The following RUNX1 variants were observed in gnomAD, a reference collection of about 807,000 sequenced individuals.
RUNX1 encodes runt-related transcription factor 1.
Under a neutral mutation model 42.8 loss-of-function variants are expected in RUNX1, and 19 were observed. The ratio of observed to expected loss-of-function variants is 0.44; its 90% CI spans 0.31 to 0.65. The LOEUF (loss-of-function observed/expected upper bound fraction) is 0.65, where lower values mean the gene tolerates loss of function less well. Ranked by LOEUF, RUNX1 falls within the 30% of genes least tolerant of loss-of-function variation. RUNX1 has a pLI of 0.07. For synonymous variants in RUNX1, 271 were observed against 289.4 expected (o/e 0.94, Z 0.64); for missense variants, 528 against 672.0 (o/e 0.79, Z 2.37).
At chr21:34,857,470 C>G (rs150259765) in intron 6 of RUNX1, among the ~76,000 whole-genome samples, 206 of 152,264 alleles carry the variant, frequency 1.4e-3, no homozygotes, top group African/African-American at 4.8e-3. Flanking sequence ...GAGGCAAAAC[C>G]CAGCCTTCTT....
intron 2 of RUNX1, among the ~76,000 whole-genome samples, chr21:35,045,073 G>A (rs183991555): frequency 5.3e-5 from 8 of 152,216 alleles, no homozygotes; most frequent in South Asian, 2.1e-4. Context: ...TCTTTGGGGC[G>A]GCTGCCATTT....
At chr21:34,897,901 T>C (rs192489189) in intron 2 of RUNX1, among the ~76,000 whole-genome samples, 64 of 152,226 alleles carry the variant, frequency 4.2e-4, no homozygotes, top group Non-Finnish European at 7.2e-4. Flanking sequence ...GTAATTAAGG[T>C]TACTAATCAG....
chr21:34,834,274 T>C (rs1435519259), intron 7 of RUNX1, 136 bp downstream of exon 7: 17 of 879,718 alleles, frequency 1.9e-5, no homozygotes, highest in Non-Finnish European at 2.6e-5. Flanking sequence ...CAGGTGGTGC[T>C]GTTGGTTCGA....
chr21:34,809,393 G>T (rs553957088), intron 7 of RUNX1, among the ~76,000 whole-genome samples: 74 of 152,148 alleles, frequency 4.9e-4, no homozygotes, highest in African/African-American at 1.7e-3. Flanking sequence ...TGGACCCTTG[G>T]TGGAGAATGA....
chr21:34,906,677 A>C (rs2834668), intron 2 of RUNX1, among the ~76,000 whole-genome samples: 2 of 152,286 alleles, frequency 1.3e-5, no homozygotes, highest in South Asian at 4.1e-4. Context: ...GCTGTTCTTC[A>C]TAGTTCTCAT....
chr21:34,846,807 A>G (rs1403892913), intron 6 of RUNX1, among the ~76,000 whole-genome samples: 3 of 152,226 alleles, frequency 2.0e-5, no homozygotes, highest in Admixed American at 6.5e-5. Flanking sequence ...AGACTGGCTG[A>G]ATCACCCGAA....
intron 2 of RUNX1, among the ~76,000 whole-genome samples, chr21:34,911,990 C>T (rs893509646): frequency 2.0e-5 from 3 of 151,876 alleles, no homozygotes; most frequent in African/African-American, 4.8e-5. Context: ...TTTCTTTTCA[C>T]CATTGCATTT....
At chr21:34,804,589 G>A (rs1313359291) in intron 7 of RUNX1, among the ~76,000 whole-genome samples, 1 of 152,138 alleles carries the variant, frequency 6.6e-6, no homozygotes, top group Middle Eastern at 3.2e-3. Context: ...AGTCTGAAGA[G>A]ATAAAGCAAG....
At position 34,880,672 on chromosome 21, in the gene RUNX1, A is replaced by G. The variant is rs746650216; in HGVS notation, c.393T>C (p.Thr131=). Reference sequence around the variant, plus strand: ...AGTTTTCATCATTGCCAGCCATCACAGTGACCAGAGTGCCATCTGGAACAT... The same window carrying G: ...AGTTTTCATCATTGCCAGCCATCACGGTGACCAGAGTGCCATCTGGAACAT... ...LGDVPDGTLV[T]VMAGNDENYS... is the part of the protein sequence containing the mutation. The change falls in exon 5 of 9, where the codon ACT becomes ACC. Residue 131 remains threonine (T), a synonymous_variant. Transcript: ENST00000675419. The G allele has an allele frequency of 7.5e-5, 121 of 1,614,036 alleles. 2 individuals carry two copies. In the South Asian group the frequency reaches 1.3e-3, roughly 17 times the overall value.
chr21:34,887,479 A>G (rs1228558903), intron 3 of RUNX1: 2 of 1,233,678 alleles, frequency 1.6e-6, no homozygotes, highest in African/African-American at 3.0e-5. Flanking sequence ...ACTTCCTAAA[A>G]TATTTATGCG....
intron 2 of RUNX1, among the ~76,000 whole-genome samples, chr21:34,938,219 T>C (rs17812791): frequency 0.012 from 1,880 of 152,296 alleles, 15 homozygotes; most frequent in Non-Finnish European, 0.019. Flanking sequence ...TCATGCCAGT[T>C]ATCTTCCCAG....
At chr21:34,886,422 A>G (rs2057988338) in intron 4 of RUNX1, among the ~76,000 whole-genome samples, 1 of 152,150 alleles carries the variant, frequency 6.6e-6, no homozygotes, top group Non-Finnish European at 1.5e-5. Flanking sequence ...TTACTATTTT[A>G]TTTCCTGATC....
chr21:34,834,649 G>C (rs1233714690), intron 6 of RUNX1, 48 bp from the exon 7 acceptor site: 4 of 1,351,348 alleles, frequency 3.0e-6, no homozygotes, highest in South Asian at 1.2e-5. Flanking sequence ...GGGAAGGAGG[G>C]AGGGAAGAGA....
At chr21:34,845,282 G>T (rs1220690820) in intron 6 of RUNX1, among the ~76,000 whole-genome samples, 1 of 152,236 alleles carries the variant, frequency 6.6e-6, no homozygotes, top group African/African-American at 2.4e-5. Flanking sequence ...ATTTGAGCCA[G>T]TTAGGAAATG....
rs10673190 is a variant in RUNX1, at chr21:34,978,937, T to TACACACACACACACACACACACAC, written c.58+69881_58+69904dup. ...TTCTCAGACAAAACACACACACAGA[T>TACACACACACACACACACACACAC]ACACACACACACACACACACACACA... is the stretch of plus-strand genomic sequence containing the variant. On this transcript the variant is annotated intron_variant, in intron 2 of 8. Transcript: ENST00000675419. Among the ~76,000 whole-genome samples, 46 of 134,148 alleles carry TACACACACACACACACACACACAC rather than the reference T, an allele frequency of 3.4e-4. 1 individual carries two copies. The highest frequency in any genetic ancestry group is 5.4e-4 in the Non-Finnish European group (34 of 63,492). The allele number at this position is 134,148 out of a possible 152,430, so 88.0% of individuals were successfully genotyped here. A position where few individuals can be genotyped will look rare whatever the true frequency, so the allele number is the denominator to read the frequency against.
chr21:34,862,083 C>A (rs930696465), intron 5 of RUNX1, among the ~76,000 whole-genome samples: 4 of 151,408 alleles, frequency 2.6e-5, no homozygotes, highest in African/African-American at 9.7e-5. Context: ...TTGTCCCAGT[C>A]CTGAGTAGGT....
At chr21:34,917,938 G>A (rs1247201703) in intron 2 of RUNX1, among the ~76,000 whole-genome samples, 1 of 151,976 alleles carries the variant, frequency 6.6e-6, no homozygotes, top group Non-Finnish European at 1.5e-5. Context: ...ATACCAGCCT[G>A]GCCAACATGG....
chr21:34,912,372 T>C (rs2058279397), intron 2 of RUNX1, among the ~76,000 whole-genome samples: 1 of 151,914 alleles, frequency 6.6e-6, no homozygotes, highest in East Asian at 1.9e-4. Context: ...TTTGCGATAC[T>C]CTTGGGTGCC....
intron 8 of RUNX1, among the ~76,000 whole-genome samples, chr21:34,795,432 G>C (rs935647742): frequency 2.0e-5 from 3 of 152,052 alleles, no homozygotes; most frequent in Non-Finnish European, 4.4e-5. Flanking sequence ...GAACTCCTCT[G>C]TACCTTTGGG....
Sources: gnomAD v4.1 joint callset for allele counts (sites outside exome capture counted in the v4.1 genomes callset) on GRCh38, gnomAD v4.1.1 for gene constraint, MANE v1.5 for transcripts, NCBI Gene and HGNC (gene_info 2026-07-23, HGNC 2026-07-21) for gene names.